The following ADGRD2 variants were observed in gnomAD, a reference collection of about 807,000 sequenced individuals.
The protein encoded by ADGRD2 is G protein-coupled receptor PGR24.
ADGRD2 carries 71 observed loss-of-function variants against 44.4 expected under a neutral mutation model. The ratio of observed to expected loss-of-function variants is 1.60; its 90% CI spans 1.32 to 1.95. ADGRD2 has a LOEUF of 1.95. ADGRD2 is among the 30% of genes most tolerant of loss of function. The probability of loss-of-function intolerance (pLI) is 0.00; values close to 1 mark genes in which losing one functional copy is unlikely to be tolerated. For missense variants in ADGRD2, 1,039 were observed against 512.4 expected (o/e 2.03, Z -9.92); for synonymous variants, 481 against 224.8 (o/e 2.14, Z -10.19).
rs1206815426 is a variant in ADGRD2, at chr9:124,454,472, A to G, written c.1023-12A>G. The G allele has an allele frequency of 9.9e-6, 7 of 705,164 alleles. No individual in the cohort carries two copies. Among genetic ancestry groups the G allele is most frequent in the Admixed American group, 2.0e-5 (1 of 49,720 alleles). The allele number at this position is 705,164 out of a possible 1,614,324, so 43.7% of individuals were successfully genotyped here. On this transcript the variant is annotated splice_polypyrimidine_tract_variant and intron_variant, in intron 4 of 21. Transcript: ENST00000334810. This position sits in a 1 kb window ranked among gnomAD's most constrained non-coding sequence, Gnocchi z 4.5. Reference sequence around the variant, plus strand: ...TTGCCCGGGGCCTAGCCTGGCATCCACTCCTTTGCAGAGCCCTATCGTCGG... The same window carrying G: ...TTGCCCGGGGCCTAGCCTGGCATCCGCTCCTTTGCAGAGCCCTATCGTCGG...
At chr9:124,467,464 T>G (rs554142119) in intron 11 of ADGRD2, 1 of 483,038 alleles carries the variant, frequency 2.1e-6, no homozygotes, top group East Asian at 3.4e-5. Flanking sequence ...GGCACGTTTG[T>G]CAGCACTCTT....
chr9:124,452,973 G>A, intron 2 of ADGRD2, 62 bp from the exon 6 acceptor site: 2 of 608,116 alleles, frequency 3.3e-6, no homozygotes, highest in East Asian at 2.7e-5. Flanking sequence ...GAGCCAAAGG[G>A]CAGGGGCAGG....
Position 124,458,554 on chromosome 9 carries a change from G to C in ADGRD2, c.1765-62G>C, listed in dbSNP as rs1831661609. ...TCCACCGTAGGGGCCTGGGTGACAT[G>C]CCGCAGCCAGGCACCATCCCTCCTC... On this transcript the variant is annotated intron_variant, in intron 9 of 21. Transcript: ENST00000334810. The C allele has an allele frequency of 7.2e-6, 5 of 699,168 alleles. No individual in the cohort carries two copies. In the East Asian group the frequency reaches 1.4e-4, roughly 19 times the overall value. 43.3% of individuals were successfully genotyped at this position (699,168 alleles called of 1,614,324 possible).
At chr9:124,452,017 C>CCCCAAA, upstream of ADGRD2, 1 of 563,666 alleles carries the variant, frequency 1.8e-6, no homozygotes, top group South Asian at 1.7e-5. Flanking sequence ...CACCCACCCC[C>CCCCAAA]AGAGTAGGCA....
exon 16 of ADGRD2, chr9:124,469,512 G>A: frequency 1.4e-6 from 1 of 718,138 alleles, no homozygotes; most frequent in South Asian, 1.5e-5. Flanking sequence ...TGAGCCCACA[G>A]CCCTGCCTGC....
chr9:124,476,819 G>C, intron 21 of ADGRD2, 110 bp downstream of exon 24: 1 of 671,938 alleles, frequency 1.5e-6, no homozygotes, highest in Non-Finnish European at 2.7e-6. Flanking sequence ...CCAACCTCCC[G>C]CAATTGCAGA....
rs373277475 is a variant in ADGRD2, at chr9:124,468,318, C to T, written c.2233+128C>T. The T allele has an allele frequency of 6.3e-5, 43 of 683,784 alleles. 1 individual carries two copies. The highest frequency in any genetic ancestry group is 3.6e-4 in the South Asian group (23 of 63,414). The allele number at this position is 683,784 out of a possible 1,614,324, so 42.4% of individuals were successfully genotyped here. A position where few individuals can be genotyped will look rare whatever the true frequency, so the allele number is the denominator to read the frequency against. On this transcript the variant is annotated intron_variant, in intron 13 of 21. Transcript: ENST00000334810. ...CACTTCCCTGGGGAGGAGCAGGGCC[C>T]GGGGAGGAGCAGGGCCCCGGGAGGA...
At chr9:124,472,731 C>T (rs1831974112) in intron 17 of ADGRD2, among the ~76,000 whole-genome samples, 1 of 152,196 alleles carries the variant, frequency 6.6e-6, no homozygotes, top group South Asian at 2.1e-4. Flanking sequence ...TGGTCTTGAA[C>T]TCCTAACCTC....
chr9:124,451,374 A>C (rs1277262658), upstream of ADGRD2: 2 of 383,434 alleles, frequency 5.2e-6, no homozygotes, highest in Non-Finnish European at 1.0e-5. Context: ...CCAGCTCTCC[A>C]GGGCGACAGT....
At chr9:124,469,684 TTGAG>T in intron 16 of ADGRD2, 137 bp downstream of exon 19, 2 of 639,860 alleles carry the variant, frequency 3.1e-6, no homozygotes, top group Non-Finnish European at 2.9e-6. Flanking sequence ...CAAGTCTGTA[TTGAG>T]TATGTGGGTA....
At chr9:124,474,262 T>G (rs1314245728) in intron 17 of ADGRD2, among the ~76,000 whole-genome samples, 2 of 107,482 alleles carry the variant, frequency 1.9e-5, no homozygotes, top group Admixed American at 1.3e-4. Context: ...GCAATAAGAG[T>G]GAAAACTCTG....
At chr9:124,477,002 G>T in intron 21 of ADGRD2, 2 of 659,840 alleles carry the variant, frequency 3.0e-6, no homozygotes, top group Non-Finnish European at 2.9e-6. Context: ...TGCCCAGGGG[G>T]GCGCTGCCAA....
chr9:124,451,245 G>A, upstream of ADGRD2: 1 of 470,762 alleles, frequency 2.1e-6, no homozygotes, highest in Non-Finnish European at 4.4e-6. Context: ...CAGAACCTTG[G>A]CGGAGAACCT....
exon 3 of ADGRD2, chr9:124,453,499 C>T (rs67997410): frequency 0.63 from 443,373 of 699,480 alleles, 145,246 homozygotes; most frequent in African/African-American, 0.9. Flanking sequence ...GCGTCACGCC[C>T]TCAGCGGCAA....
At chr9:124,466,000 T>C (rs569473770) in intron 10 of ADGRD2, 2 of 305,464 alleles carry the variant, frequency 6.5e-6, no homozygotes, top group African/African-American at 4.3e-5. Context: ...TTAGCTGAGG[T>C]AGGGAACCTT....
At chr9:124,451,999 CCCCCTCCCACCCACCCCCA>C, upstream of ADGRD2, 1 of 340,010 alleles carries the variant, frequency 2.9e-6, no homozygotes, top group East Asian at 1.0e-4. Context: ...CACTGAATGC[CCCCCTCCCACCCACCCCCA>C]GAGTAGGCAT....
exon 3 of ADGRD2, chr9:124,453,569 G>T: frequency 1.4e-6 from 1 of 698,256 alleles, no homozygotes. Context: ...CACCGGGCAC[G>T]GGCCTGCGCG....
chr9:124,457,188 G>A (rs534633026), intron 7 of ADGRD2, among the ~76,000 whole-genome samples: 1 of 152,226 alleles, frequency 6.6e-6, no homozygotes, highest in Non-Finnish European at 1.5e-5. Context: ...CTGTGGTGAA[G>A]CTTCAGGTAC....
chr9:124,450,586 C>T (rs1831448558), upstream of ADGRD2, among the ~76,000 whole-genome samples: 1 of 152,248 alleles, frequency 6.6e-6, no homozygotes, highest in Non-Finnish European at 1.5e-5. Context: ...CCATTGGCGC[C>T]TCGCGGAGGA....
Sources: allele counts gnomAD v4.1 joint callset (sites outside exome capture counted in the v4.1 genomes callset), GRCh38; gene constraint gnomAD v4.1.1; non-coding constraint Gnocchi (gnomAD v3.1); transcripts MANE v1.5; gene names NCBI Gene and HGNC (gene_info 2026-07-23, HGNC 2026-07-21).